Variants in DENND4A observed in about 807,000 individuals in gnomAD.
The protein encoded by DENND4A is C-myc promoter-binding protein.
DENND4A carries 70 observed loss-of-function variants against 199.3 expected under a neutral mutation model. The observed-to-expected ratio is 0.35, with a 90% CI of 0.29 to 0.43. DENND4A has a LOEUF of 0.43. Ranked by LOEUF, DENND4A falls within the 20% of genes least tolerant of loss-of-function variation. DENND4A has a pLI of 1.00. For synonymous variants in DENND4A, 686 were observed against 766.9 expected, an observed-to-expected ratio of 0.89 and a Z score of 1.74; for missense variants, 1,723 against 2,255.8, an observed-to-expected ratio of 0.76 and a Z score of 4.78.
chr15:65,767,888 C>T (rs1287126309), intron 1 of DENND4A, among the ~76,000 whole-genome samples: 5 of 151,978 alleles, frequency 3.3e-5, no homozygotes, highest in South Asian at 2.1e-4. Context: ...TGGATGAAGA[C>T]GAGAGATAAA....
intron 32 of DENND4A, among the ~76,000 whole-genome samples, chr15:65,663,198 ATTTT>A (rs139708249): frequency 5.3e-5 from 6 of 112,336 alleles, no homozygotes; most frequent in African/African-American, 2.2e-4. Context: ...ATATATATAT[ATTTT>A]TTTTTTTTTA....
chr15:65,754,476 TAAAGA>T (rs1012290121), intron 3 of DENND4A, among the ~76,000 whole-genome samples: 5 of 152,156 alleles, frequency 3.3e-5, no homozygotes, highest in African/African-American at 1.2e-4. Context: ...AAGGATTCCA[TAAAGA>T]AAAGTAAAAA....
At position 65,702,424 on chromosome 15, in the gene DENND4A, G is replaced by A; in HGVS notation, c.2311C>T (p.Leu771=). 6.3e-7 allele frequency: 1 copy of A among 1,587,376 alleles called. No individual in the cohort carries two copies. The highest frequency in any genetic ancestry group is 8.6e-7 in the Non-Finnish European group (1 of 1,166,472). Residue 771 remains leucine, a synonymous_variant, in exon 17 of 33, where the codon CTG becomes TTG. Coordinates refer to ENST00000443035, the MANE Select transcript of DENND4A (RefSeq NM_001320835.1). ...SRCLLRHCYG[L]WFICLPAYVK... ...TAAGCTGGGAGACAAATAAACCACA[G>A]TCCATAACAGTGGCGCAGTAGACAC...
intron 21 of DENND4A, chr15:65,696,732 A>T (rs1363304529): frequency 6.9e-6 from 2 of 290,658 alleles, no homozygotes; most frequent in Admixed American, 9.6e-5. Context: ...CACAAATTTT[A>T]TATTTCCTCA....
chr15:65,787,582 T>C (rs774602308), intron 1 of DENND4A, among the ~76,000 whole-genome samples: 17 of 152,210 alleles, frequency 1.1e-4, no homozygotes, highest in Admixed American at 2.6e-4. Context: ...CCCTTCTAAA[T>C]ATAGCATTCC....
intron 20 of DENND4A, among the ~76,000 whole-genome samples, chr15:65,698,964 C>T (rs2077254629): frequency 6.6e-6 from 1 of 152,052 alleles, no homozygotes; most frequent in South Asian, 2.1e-4. Flanking sequence ...TCTTGAACTC[C>T]TGGCCTCAAG....
intron 32 of DENND4A, 111 bp from the exon 33 acceptor site, chr15:65,662,098 T>A: frequency 7.1e-6 from 5 of 700,936 alleles, no homozygotes; most frequent in Non-Finnish European, 1.1e-5. Context: ...CAAGAAGGAA[T>A]TGCTAGGACA....
rs1367198558 is a variant in DENND4A, at chr15:65,729,578, G to C, written c.1267C>G (p.Leu423Val). 2.5e-6 allele frequency: 4 copies of C among 1,605,000 alleles called. No individual in the cohort carries two copies. The highest frequency in any genetic ancestry group is 3.4e-6 in the Non-Finnish European group (4 of 1,175,332). ...VTEHKILIHS[L>V]RPSVLTSVTE... ...ACACTAGTAAGCACGGATGGCCGTA[G>C]GGAATGGATAAGAATTTTATGTTCT... is the stretch of plus-strand genomic sequence containing the variant. The change falls in exon 10 of 33, where the codon CTA becomes GTA. Residue 423 changes from leucine to valine, a missense_variant. This residue lies in a region of DENND4A where 725 missense variants were observed against 952.9 expected (regional missense o/e 0.76). Coordinates refer to ENST00000443035, the MANE Select transcript of DENND4A (RefSeq NM_001320835.1).
intron 20 of DENND4A, among the ~76,000 whole-genome samples, chr15:65,699,881 G>A (rs928563457): frequency 6.6e-5 from 10 of 151,520 alleles, no homozygotes; most frequent in Non-Finnish European, 7.4e-5. Context: ...GTTTTGTTAT[G>A]TTGCCCAGAC....
In DENND4A at chr15:65,690,964, T is replaced by C. The variant is rs754514042; in HGVS notation, c.3630A>G (p.Gly1210=). 1 of 1,603,204 alleles carries C rather than the reference T, an allele frequency of 6.2e-7. No homozygotes were observed. The highest frequency in any genetic ancestry group is 8.5e-7 in the Non-Finnish European group (1 of 1,174,234). ...CAACCAAAAGAGAGAGGGGATCAAA[T>C]CCTGTTGCGACATCAGTTTTTTCAA... is the stretch of plus-strand genomic sequence containing the variant. The part of the protein sequence containing the change: ...KPFEKTDVAT[G]FDPLSLLVAE... The change falls in exon 23 of 33, where the codon GGA becomes GGG. Residue 1210 remains glycine (G), a synonymous_variant. Coordinates refer to ENST00000443035, the MANE Select transcript of DENND4A (RefSeq NM_001320835.1).
chr15:65,749,226 T>C (rs1399717473), intron 4 of DENND4A, among the ~76,000 whole-genome samples: 1 of 152,170 alleles, frequency 6.6e-6, no homozygotes. Context: ...ATTAATGCAG[T>C]ACAGTGCTCA....
intron 2 of DENND4A, among the ~76,000 whole-genome samples, 163 bp downstream of exon 2, chr15:65,761,197 G>C (rs2076841801): frequency 6.6e-6 from 1 of 152,150 alleles, no homozygotes; most frequent in South Asian, 2.1e-4. Context: ...CACATCCTGA[G>C]ACATCTTTCA....
intron 24 of DENND4A, among the ~76,000 whole-genome samples, chr15:65,676,141 A>AATATATATATGTATATATATATATAT: frequency 9.1e-6 from 1 of 110,466 alleles, no homozygotes; most frequent in African/African-American, 3.0e-5. Context: ...AATAAGGAAA[A>AATATATATATGTATATATATATATAT]ATATATATAT....
Position 65,660,009 on chromosome 15 carries a change from C to T in DENND4A, c.*1842G>A, listed in dbSNP as rs568645235. On this transcript the variant is annotated 3_prime_UTR_variant, in exon 33 of 33. Transcript: ENST00000443035. ...ACCACAAATAGAAGAGAACCCCAGA[C>T]GGTTCTCTTGGAGGGATGTTTATCA... 2.9e-4 allele frequency: 98 copies of T among 341,480 alleles called. No individual in the cohort carries two copies. Among genetic ancestry groups the T allele is most frequent in the East Asian group, 4.9e-4 (10 of 20,436 alleles). The allele number at this position is 341,480 out of a possible 1,614,324, so 21.2% of individuals were successfully genotyped here.
chr15:65,774,868 C>CTTTTTTTTTTT (rs397854207), intron 1 of DENND4A, among the ~76,000 whole-genome samples: 1 of 112,062 alleles, frequency 8.9e-6, no homozygotes, highest in Non-Finnish European at 1.8e-5. Context: ...CAAATGTTTA[C>CTTTTTTTTTTT]TTTTTTTTTT....
chr15:65,701,724 A>C, intron 18 of DENND4A, 38 bp downstream of exon 18: 5 of 1,585,616 alleles, frequency 3.2e-6, no homozygotes, highest in Non-Finnish European at 3.5e-6. Context: ...CATAATGACA[A>C]AAGTAATACT....
intron 1 of DENND4A, among the ~76,000 whole-genome samples, chr15:65,769,843 A>G (rs1196566802): frequency 6.6e-6 from 1 of 152,224 alleles, no homozygotes; most frequent in Non-Finnish European, 1.5e-5. Flanking sequence ...TTAACCGAGT[A>G]TGCAGCAAAT....
intron 14 of DENND4A, among the ~76,000 whole-genome samples, chr15:65,713,419 T>C (rs2075303361): frequency 6.6e-6 from 1 of 152,250 alleles, no homozygotes; most frequent in Admixed American, 6.5e-5. Context: ...CAATGTTGAC[T>C]TGTCCCGTTA....
intron 3 of DENND4A, among the ~76,000 whole-genome samples, chr15:65,753,073 G>C (rs957748054): frequency 6.6e-6 from 1 of 152,166 alleles, no homozygotes; most frequent in African/African-American, 2.4e-5. Flanking sequence ...AGCTTTAAGA[G>C]ACAGTTTTAG....
Sources: allele counts gnomAD v4.1 joint callset (sites outside exome capture counted in the v4.1 genomes callset), GRCh38; gene constraint gnomAD v4.1.1; regional missense constraint gnomAD v4.1.1; transcripts MANE v1.5; gene names NCBI Gene and HGNC (gene_info 2026-07-23, HGNC 2026-07-21).